CPEB3: variants seen among roughly 807,000 people sequenced by gnomAD.
CPEB3 encodes the protein cytoplasmic polyadenylation element binding protein 3.
A neutral mutation model predicts 67.2 loss-of-function variants in CPEB3; 20 were observed. The ratio of observed to expected loss-of-function variants is 0.30; its 90% CI spans 0.21 to 0.43. The LOEUF is 0.43. CPEB3 is among the 20% of genes least tolerant of loss of function. CPEB3 has a pLI of 1.00. For missense variants in CPEB3, 746 were observed against 968.6 expected (o/e 0.77, Z 3.05); for synonymous variants, 376 against 393.1 (o/e 0.96, Z 0.51).
chr10:92,177,515 T>C (rs992902865), intron 4 of CPEB3, among the ~76,000 whole-genome samples: 1 of 152,220 alleles, frequency 6.6e-6, no homozygotes, highest in Non-Finnish European at 1.5e-5. Flanking sequence ...TATTAATAGA[T>C]TCATGGTCTT....
At chr10:92,131,418 G>A (rs1845838008) in intron 6 of CPEB3, among the ~76,000 whole-genome samples, 1 of 152,170 alleles carries the variant, frequency 6.6e-6, no homozygotes, top group African/African-American at 2.4e-5. Context: ...TAAGTAGGAT[G>A]TTGTAAAATA....
At chr10:92,111,503 A>C (rs186641979) in intron 6 of CPEB3, among the ~76,000 whole-genome samples, 4 of 152,246 alleles carry the variant, frequency 2.6e-5, no homozygotes, top group African/African-American at 9.6e-5. Context: ...ACAAGTAGCC[A>C]GGAAACAAGC....
intron 1 of CPEB3, among the ~76,000 whole-genome samples, chr10:92,245,133 CTTTT>C (rs989695063): frequency 2.0e-5 from 2 of 98,066 alleles, no homozygotes; most frequent in Non-Finnish European, 2.0e-5. Flanking sequence ...AGAAAAGAGT[CTTTT>C]TTTTTTTTTT....
At chr10:92,126,599 A>G (rs1013282529) in intron 6 of CPEB3, among the ~76,000 whole-genome samples, 3 of 152,254 alleles carry the variant, frequency 2.0e-5, no homozygotes, top group Admixed American at 2.0e-4. Flanking sequence ...ACCTTGGGTC[A>G]TATAGCTTAA....
chr10:92,192,313 G>T (rs573626829), intron 3 of CPEB3, among the ~76,000 whole-genome samples, 164 bp downstream of exon 3: 48 of 152,164 alleles, frequency 3.2e-4, no homozygotes, highest in Admixed American at 9.8e-4. Flanking sequence ...ATAGGTAGCT[G>T]AACCCAGGTT....
chr10:92,209,861 C>T (rs574276272), intron 2 of CPEB3, among the ~76,000 whole-genome samples: 8 of 148,120 alleles, frequency 5.4e-5, no homozygotes, highest in South Asian at 4.2e-4. Context: ...CACTTGTACC[C>T]GAGAGGCGGA....
chr10:92,219,599 G>A (rs750137226), intron 2 of CPEB3, among the ~76,000 whole-genome samples: 11 of 152,036 alleles, frequency 7.2e-5, no homozygotes, highest in Non-Finnish European at 1.2e-4. Flanking sequence ...TCAGCCTAAC[G>A]CAGAATATCA....
intron 4 of CPEB3, among the ~76,000 whole-genome samples, chr10:92,156,392 G>A (rs565201518): frequency 1.3e-5 from 2 of 152,106 alleles, no homozygotes; most frequent in African/African-American, 4.8e-5. Flanking sequence ...AATTGAGAAT[G>A]GGGATGACAC....
chr10:92,167,138 G>T (rs550888376), intron 4 of CPEB3, among the ~76,000 whole-genome samples: 10 of 152,288 alleles, frequency 6.6e-5, no homozygotes, highest in Admixed American at 5.2e-4. Context: ...ACTAGGCTTT[G>T]GCATAAGGGA....
chr10:92,274,200 T>C (rs1165363708), intron 1 of CPEB3, among the ~76,000 whole-genome samples: 2 of 152,188 alleles, frequency 1.3e-5, no homozygotes. Context: ...TCTGAGATAA[T>C]GCATGTGAAG....
At chr10:92,076,490 G>T (rs1279533860) in intron 9 of CPEB3, 1 of 151,930 alleles carries the variant, frequency 6.6e-6, no homozygotes, top group Non-Finnish European at 1.5e-5. Flanking sequence ...TTGTAGCTTT[G>T]ACCTCTTGGG....
chr10:92,097,785 G>A (rs959052979), intron 7 of CPEB3, among the ~76,000 whole-genome samples: 2 of 152,074 alleles, frequency 1.3e-5, no homozygotes, highest in African/African-American at 4.8e-5. Context: ...CAGTGTTGGG[G>A]AAAAACTATA....
chr10:92,229,475 G>GT (rs1336116209), intron 2 of CPEB3, among the ~76,000 whole-genome samples: 2 of 152,186 alleles, frequency 1.3e-5, no homozygotes, highest in Non-Finnish European at 2.9e-5. Flanking sequence ...AAAAGAATGA[G>GT]TTGATCAATG....
chr10:92,206,701 T>C (rs990754127), intron 2 of CPEB3, among the ~76,000 whole-genome samples: 1 of 152,240 alleles, frequency 6.6e-6, no homozygotes, highest in Non-Finnish European at 1.5e-5. Flanking sequence ...TTTTTGCATA[T>C]TGAGTCCATT....
intron 9 of CPEB3, among the ~76,000 whole-genome samples, chr10:92,074,196 T>C (rs1200770537): frequency 6.6e-6 from 1 of 152,124 alleles, no homozygotes; most frequent in Non-Finnish European, 1.5e-5. Flanking sequence ...TCCTCCCAGC[T>C]CAGCCTTCCA....
chr10:92,224,553 C>T (rs1405776915), intron 2 of CPEB3, among the ~76,000 whole-genome samples: 1 of 151,782 alleles, frequency 6.6e-6, no homozygotes, highest in Non-Finnish European at 1.5e-5. Flanking sequence ...CAACCTAGTC[C>T]CTCTGCTGAA....
chr10:92,260,578 C>T (rs1381582353), intron 1 of CPEB3, among the ~76,000 whole-genome samples: 3 of 151,020 alleles, frequency 2.0e-5, no homozygotes, highest in Non-Finnish European at 4.4e-5. Context: ...AATCATTTGT[C>T]TTCAAGATAA....
At chr10:92,164,584 T>C (rs1266988246) in intron 4 of CPEB3, among the ~76,000 whole-genome samples, 1 of 152,210 alleles carries the variant, frequency 6.6e-6, no homozygotes, top group Non-Finnish European at 1.5e-5. Context: ...ACTTAGCATG[T>C]TTTTGAGATT....
chr10:92,120,098 C>CAAAAAAAAAAAAAAAAAAAACAACCAA (rs34785763), intron 6 of CPEB3, among the ~76,000 whole-genome samples: 1 of 45,286 alleles, frequency 2.2e-5, no homozygotes, highest in Non-Finnish European at 3.7e-5. Flanking sequence ...ACTAAAAATA[C>CAAAAAAAAAAAAAAAAAAAACAACCAA]AAAAAAAAAA....
Sources: gnomAD v4.1 joint callset for allele counts (sites outside exome capture counted in the v4.1 genomes callset) on GRCh38, gnomAD v4.1.1 for gene constraint, MANE v1.5 for transcripts, NCBI Gene and HGNC (gene_info 2026-07-23, HGNC 2026-07-21) for gene names.